The following NCOR2 variants were observed in gnomAD, a reference collection of about 807,000 sequenced individuals.
NCOR2 encodes nuclear receptor corepressor 2.
In NCOR2, 81 loss-of-function variants were observed where a neutral mutation model predicts 262.9. That is an observed-to-expected ratio of 0.31 (90% CI 0.26 to 0.37). The LOEUF is 0.37. NCOR2 is among the 10% of genes least tolerant of loss of function. The probability of loss-of-function intolerance (pLI) is 1.00; values close to 1 mark genes in which losing one functional copy is unlikely to be tolerated. For synonymous variants in NCOR2, 1,659 were observed against 1,559.3 expected (o/e 1.06, Z -1.51); for missense variants, 3,385 against 3,621.4 (o/e 0.93, Z 1.68).
intron 3 of NCOR2, among the ~76,000 whole-genome samples, chr12:124,473,662 T>A (rs187851325): frequency 3.0e-3 from 458 of 152,346 alleles, no homozygotes; most frequent in Non-Finnish European, 4.7e-3. Flanking sequence ...TTTTGCCTGC[T>A]GCCATCCATG....
upstream of NCOR2, chr12:124,495,502 A>C: frequency 1.8e-6 from 1 of 553,242 alleles, no homozygotes; most frequent in Non-Finnish European, 3.0e-6. This position sits in a 1 kb window ranked among gnomAD's most constrained non-coding sequence, Gnocchi z 4.4. Flanking sequence ...ACCCTCCTCC[A>C]TCCACTGCCA....
intron 1 of NCOR2, among the ~76,000 whole-genome samples, chr12:124,562,822 C>T (rs1255061992): frequency 1.3e-5 from 2 of 152,160 alleles, no homozygotes; most frequent in Non-Finnish European, 1.5e-5. Flanking sequence ...GGTGAGGACC[C>T]GGGTTTACAC....
rs2051595631 is a variant in NCOR2 at position 124,548,075 on chromosome 12, C to CAG, written c.-164-12465_-164-12464insCT. 6.6e-6 allele frequency among the ~76,000 whole-genome samples: 1 copy of CAG among 151,620 alleles called. No individual in the cohort carries two copies. Among genetic ancestry groups the CAG allele is most frequent in the Non-Finnish European group, 1.5e-5 (1 of 67,876 alleles). On this transcript the variant is annotated intron_variant, in intron 1 of 32. Transcript: ENST00000458234. The surrounding 1 kb of genome is among the most constrained non-coding windows in gnomAD (Gnocchi z 5.1). ...GAGCCAGCTGGTGGGAGAGAGGGGCCTGGGGTGCCCCAGGCCGGGCAGGTC... is the reference window on the plus strand; with the variant it reads ...GAGCCAGCTGGTGGGAGAGAGGGGCCAGTGGGGTGCCCCAGGCCGGGCAGGTC...
At chr12:124,486,667 C>G in intron 1 of NCOR2, 99 bp from the exon 4 acceptor site, 2 of 1,408,800 alleles carry the variant, frequency 1.4e-6, no homozygotes, top group Non-Finnish European at 1.9e-6. Context: ...CCTGCTCAGG[C>G]TCGCTCCTGC....
intron 13 of NCOR2, among the ~76,000 whole-genome samples, chr12:124,417,059 CTCACTCCACGGAGAGCAGGCCGGACAG>C (rs1565923758): frequency 0.038 from 2,063 of 53,710 alleles, 166 homozygotes; most frequent in African/African-American, 0.068. Context: ...AAGCCGGACA[CTCACTCCACGGAGAGCAGGCCGGACAG>C]TCACTCCACG....
intron 5 of NCOR2, among the ~76,000 whole-genome samples, chr12:124,460,305 G>C (rs962821517): frequency 6.6e-6 from 1 of 152,234 alleles, no homozygotes; most frequent in Non-Finnish European, 1.5e-5. Flanking sequence ...CCCTCGCTCA[G>C]GCGGTCTCTG....
Position 124,326,312 on chromosome 12 carries a change from CG to C in NCOR2, c.7241del (p.Pro2414ArgfsTer51). Reference sequence around the variant, plus strand: ...GGTCCCCAGATGCCAGGCCCGGGGCCGGGGACTTGGCTTTTCGGCTGCTGGG... The same window carrying C: ...GGTCCCCAGATGCCAGGCCCGGGGCCGGGACTTGGCTTTTCGGCTGCTGGG... On this transcript the variant is annotated frameshift_variant, in exon 46 of 47. Coordinates refer to ENST00000405201, the Ensembl canonical transcript of NCOR2. LOFTEE classifies it high-confidence loss of function. 6.4e-6 allele frequency: 10 copies of C among 1,552,564 alleles called. No individual in the cohort carries two copies. The highest frequency in any genetic ancestry group is 1.2e-5 in the South Asian group (1 of 83,758).
exon 8 of NCOR2, chr12:124,437,944 C>T (rs200885078): frequency 5.0e-6 from 8 of 1,612,270 alleles, no homozygotes; most frequent in Admixed American, 3.3e-5. Context: ...TGTTTCCGAG[C>T]GTGATTCCTC....
chr12:124,486,588 A>G lies in NCOR2; in HGVS notation c.106-20T>C, dbSNP rs1735971157. The G allele has an allele frequency of 9.7e-6, 15 of 1,554,208 alleles. No individual in the cohort carries two copies. Among genetic ancestry groups the G allele is most frequent in the Non-Finnish European group, 1.3e-5 (15 of 1,151,748 alleles). ...GACGTCCTGCAGGAGGGGACAGAGG[A>G]GTGGTGAGCGTGGGCGGGCACGGGC... On this transcript the variant is annotated intron_variant, in intron 1 of 46. Transcript: ENST00000405201.
chr12:124,354,372 G>A, intron 26 of NCOR2, 106 bp downstream of exon 28: 1 of 1,245,508 alleles, frequency 8.0e-7, no homozygotes, highest in African/African-American at 1.5e-5. Flanking sequence ...GGGGCCCCCA[G>A]ACCCTCTGGG....
chr12:124,416,164 C>CCAGACA (rs2042848563), intron 13 of NCOR2, among the ~76,000 whole-genome samples: 1 of 152,114 alleles, frequency 6.6e-6, no homozygotes, highest in Non-Finnish European at 1.5e-5. Flanking sequence ...TACTCCCTCC[C>CCAGACA]CAGACACGAA....
At chr12:124,367,837 T>C (rs966941018) in intron 20 of NCOR2, among the ~76,000 whole-genome samples, 3 of 152,224 alleles carry the variant, frequency 2.0e-5, no homozygotes, top group Admixed American at 6.5e-5. Context: ...TTTCACTATG[T>C]TGGTCAGGCT....
At chr12:124,561,505 C>T (rs1407013847) in intron 1 of NCOR2, among the ~76,000 whole-genome samples, 1 of 152,146 alleles carries the variant, frequency 6.6e-6, no homozygotes, top group Non-Finnish European at 1.5e-5. Context: ...AGAACATTCT[C>T]ACCAATGCAG....
intron 1 of NCOR2, among the ~76,000 whole-genome samples, chr12:124,533,597 G>A (rs904689749): frequency 6.6e-6 from 1 of 152,130 alleles, no homozygotes; most frequent in Admixed American, 6.5e-5. Context: ...GGGAGGACTA[G>A]GTGCTTGGCC....
Position 124,432,792 on chromosome 12 carries a change from T to C in NCOR2, c.883-2005A>G, listed in dbSNP as rs1254409707. ...CTGCTGCATGTCCTTTGAGAAGAGA[T>C]CCCCAATCAGCCCAGAGCATAGCTG... On this transcript the variant is annotated intron_variant, in intron 8 of 46. Coordinates refer to ENST00000405201, the Ensembl canonical transcript of NCOR2. The surrounding 1 kb of genome is among the most constrained non-coding windows in gnomAD (Gnocchi z 5.1). 7.7e-6 allele frequency among the ~76,000 whole-genome samples: 1 copy of C among 129,926 alleles called. No individual in the cohort carries two copies. Among genetic ancestry groups the C allele is most frequent in the East Asian group, 2.4e-4 (1 of 4,146 alleles). 85.2% of individuals were successfully genotyped at this position (129,926 alleles called of 152,430 possible).
exon 21 of NCOR2, chr12:124,363,767 G>A (rs748412865): frequency 1.9e-5 from 26 of 1,383,690 alleles, no homozygotes; most frequent in African/African-American, 1.0e-4. Context: ...GTCGCCAGTC[G>A]GGGTGAGGAG....
intron 6 of NCOR2, among the ~76,000 whole-genome samples, chr12:124,456,804 T>C (rs527421767): frequency 1.3e-5 from 2 of 152,268 alleles, no homozygotes; most frequent in South Asian, 4.1e-4. Flanking sequence ...GGCCTACGGA[T>C]GTGTGACTCT....
chr12:124,532,184 T>C (rs910732872), intron 1 of NCOR2, among the ~76,000 whole-genome samples: 2 of 151,992 alleles, frequency 1.3e-5, no homozygotes, highest in African/African-American at 2.4e-5. Context: ...GCATAGCGAG[T>C]GTCGGCCCTG....
chr12:124,515,303 G>C (rs560626017), intron 1 of NCOR2, among the ~76,000 whole-genome samples: 1 of 152,144 alleles, frequency 6.6e-6, no homozygotes, highest in South Asian at 2.1e-4. Flanking sequence ...AGGAGGCAGT[G>C]GTTGCAGTGA....
Sources: gnomAD v4.1 joint callset for allele counts (sites outside exome capture counted in the v4.1 genomes callset) on GRCh38, gnomAD v4.1.1 for gene constraint, Gnocchi (gnomAD v3.1) non-coding constraint, MANE v1.5 for transcripts, NCBI Gene and HGNC (gene_info 2026-07-23, HGNC 2026-07-21) for gene names.